The following FUNDC2 variants were observed in gnomAD, a reference collection of about 807,000 sequenced individuals.
FUNDC2 encodes the protein FUN14 domain-containing protein 2.
FUNDC2 carries 4 observed loss-of-function variants against 15.6 expected under a neutral mutation model. The ratio of observed to expected loss-of-function variants is 0.26; its 90% CI spans 0.13 to 0.59. The LOEUF is 0.59. Ranked by LOEUF, FUNDC2 falls within the 20% of genes least tolerant of loss-of-function variation. FUNDC2 has a pLI of 0.90. For missense variants in FUNDC2, 98 were observed against 149.7 expected, an observed-to-expected ratio of 0.65 and a Z score of 1.80; for synonymous variants, 44 against 56.9, an observed-to-expected ratio of 0.77 and a Z score of 1.02.
At chrX:155,046,413 A>T (rs1461442497) in intron 2 of FUNDC2, 96 bp from the exon 3 acceptor site, 13 of 765,696 alleles carry the variant, frequency 1.7e-5, no homozygotes, top group African/African-American at 4.1e-5. Context: ...GAGCTAGGTC[A>T]TCTTAAGCTA....
rs2073906062 is a variant in FUNDC2 at position 155,057,034 on chromosome X, CCTCATCCTGCTAG to C, written c.*2363_*2375del. ...GGTTGAGGTCAGTATTGCAGGTTGG[CCTCATCCTGCTAG>C]TATGAGAACGGCTGTGAGTTCTGCC... On this transcript the variant is annotated 3_prime_UTR_variant, in exon 5 of 5. Coordinates refer to ENST00000369498, the MANE Select transcript of FUNDC2 (RefSeq NM_023934.4). The C allele has an allele frequency of 3.0e-5, 3 of 100,587 alleles. 1 individual carries two copies. Among genetic ancestry groups the C allele is most frequent in the African/African-American group, 1.1e-4 (3 of 26,389 alleles). The allele number at this position is 100,587 out of a possible 1,213,427, so 8.3% of individuals were successfully genotyped here.
rs1187957576 is a variant in FUNDC2, at chrX:155,026,895, G to C, written c.-44G>C. The C allele has an allele frequency of 2.6e-6, 3 of 1,162,262 alleles. No homozygotes were observed. The African/African-American group carries it at 5.4e-5, about 21-fold the overall frequency. On this transcript the variant is annotated 5_prime_UTR_variant, in exon 1 of 5. Transcript: ENST00000369498. Reference sequence around the variant, plus strand: ...TAGCCGCTTGCGGAGACTGCAAGCAGCCGCGGCGCGCCCGGCCCTCCCTCT... The same window carrying C: ...TAGCCGCTTGCGGAGACTGCAAGCACCCGCGGCGCGCCCGGCCCTCCCTCT...
At chrX:155,034,922 G>A (rs2073826654) in intron 2 of FUNDC2, among the ~76,000 whole-genome samples, 1 of 111,341 alleles carries the variant, frequency 9.0e-6, no homozygotes, top group African/African-American at 3.3e-5. Flanking sequence ...CCCTTGTTAA[G>A]CTGTAAGAGT....
intron 2 of FUNDC2, among the ~76,000 whole-genome samples, chrX:155,046,183 C>T (rs2073861759): frequency 1.8e-5 from 2 of 110,142 alleles, no homozygotes; most frequent in African/African-American, 6.6e-5. Context: ...CATTGGCATT[C>T]ACTTCTCTTC....
intron 1 of FUNDC2, among the ~76,000 whole-genome samples, chrX:155,031,177 G>A (rs1197056555): frequency 7.2e-5 from 8 of 110,905 alleles, no homozygotes; most frequent in Admixed American, 3.8e-4. Flanking sequence ...TAACTTTTGT[G>A]TACCTCTTTG....
At chrX:155,047,316 T>G in intron 3 of FUNDC2, 1 of 342,534 alleles carries the variant, frequency 2.9e-6, no homozygotes, top group South Asian at 2.6e-5. Context: ...AGCCATAACT[T>G]GCTGAATCAT....
intron 1 of FUNDC2, among the ~76,000 whole-genome samples, chrX:155,032,764 A>T (rs1557288866): frequency 1.8e-5 from 2 of 112,181 alleles, no homozygotes; most frequent in Non-Finnish European, 3.8e-5. Context: ...GGATTACTGA[A>T]TAGCATTGAG....
rs191427935 is a variant in FUNDC2, at chrX:155,060,010, C to T, written c.*5338C>T. ...TACCAGTGCCATGCTTCCTGTACAG[C>T]CCATGGAACTGTGAGCCAACTAAAC... is the stretch of plus-strand genomic sequence containing the variant. On this transcript the variant is annotated 3_prime_UTR_variant, in exon 5 of 5. Coordinates refer to ENST00000369498, the MANE Select transcript of FUNDC2 (RefSeq NM_023934.4). The T allele has an allele frequency of 6.2e-4, 70 of 112,236 alleles. No individual in the cohort carries two copies. The highest frequency in any genetic ancestry group is 2.2e-3 in the African/African-American group (67 of 30,885). 9.2% of individuals were successfully genotyped at this position (112,236 alleles called of 1,213,427 possible). A position where few individuals can be genotyped will look rare whatever the true frequency, so the allele number is the denominator to read the frequency against.
At position 155,046,511 on chromosome X, in the gene FUNDC2, G is replaced by T. The variant is rs1557290057; in HGVS notation, c.287G>T (p.Cys96Phe). ...QLFIGGVTGW[C>F]TGFIFQKVGK... is the part of the protein sequence containing the mutation. ...CTGATGTTGGTTTGTTTTTGTAGGTGCACAGGTTTCATATTCCAGAAGGTT... is the reference window on the plus strand; with the variant it reads ...CTGATGTTGGTTTGTTTTTGTAGGTTCACAGGTTTCATATTCCAGAAGGTT... Residue 96 changes from cysteine to phenylalanine, a missense_variant and splice_region_variant, in exon 3 of 5, where the codon TGC (cysteine) becomes TTC (phenylalanine). Cys to Phe is a radical substitution (Grantham distance 205, BLOSUM62 -2). Transcript: ENST00000369498. 1.7e-6 allele frequency: 2 copies of T among 1,209,408 alleles called. No homozygotes were observed. The highest frequency in any genetic ancestry group is 2.2e-5 in the Admixed American group (1 of 46,053).
chrX:155,042,870 ATCT>A (rs1392864089), intron 2 of FUNDC2, among the ~76,000 whole-genome samples: 2 of 110,564 alleles, frequency 1.8e-5, no homozygotes, highest in Admixed American at 9.6e-5. Context: ...AAGTTTATTA[ATCT>A]TCTACAGTGT....
intron 4 of FUNDC2, chrX:155,053,994 G>A (rs782430785): frequency 2.7e-6 from 2 of 750,956 alleles, no homozygotes; most frequent in East Asian, 1.5e-4. Flanking sequence ...TTCCAGGAGG[G>A]TAGAGGGGAG....
In FUNDC2 at chrX:155,059,651, G is replaced by A. The variant is rs2073920274; in HGVS notation, c.*4979G>A. The A allele has an allele frequency of 1.8e-5, 2 of 111,730 alleles. No individual in the cohort carries two copies. The highest frequency in any genetic ancestry group is 9.5e-5 in the Admixed American group (1 of 10,580). 9.2% of individuals were successfully genotyped at this position (111,730 alleles called of 1,213,427 possible). A position where few individuals can be genotyped will look rare whatever the true frequency, so the allele number is the denominator to read the frequency against. ...AGAGTTAAATTAATGTCTTCAAATG[G>A]ATTTGTTGACTTAAACTGACACAAT... On this transcript the variant is annotated 3_prime_UTR_variant, in exon 5 of 5. Coordinates refer to ENST00000369498, the MANE Select transcript of FUNDC2 (RefSeq NM_023934.4).
intron 3 of FUNDC2, chrX:155,050,535 A>G (rs896302214): frequency 2.1e-4 from 24 of 112,155 alleles, no homozygotes; most frequent in African/African-American, 7.5e-4. Flanking sequence ...TTTAGATACA[A>G]ATGTTGATAC....
At chrX:155,033,579 G>A in intron 2 of FUNDC2, 26 bp downstream of exon 2, 3 of 1,187,207 alleles carry the variant, frequency 2.5e-6, no homozygotes. Flanking sequence ...GATGTCCACT[G>A]TCTTTTGTGC....
rs1557288907 is a variant in FUNDC2 at position 155,033,405 on chromosome X, A to C, written c.136A>C (p.Asn46His). Residue 46 changes from asparagine (N) to histidine (H), a missense_variant and splice_region_variant, in exon 2 of 5, where the codon AAC becomes CAC. Asn to His is a moderately conservative substitution (Grantham distance 68). Coordinates refer to ENST00000369498, the MANE Select transcript of FUNDC2 (RefSeq NM_023934.4). Reference sequence around the variant, plus strand: ...ATTTAACGTATTACTTCTTGTAGGAAACTTTGAGGGAAATTTTGAGTCACT... The same window carrying C: ...ATTTAACGTATTACTTCTTGTAGGACACTTTGAGGGAAATTTTGAGTCACT... ...LTEMAASSQGNFEGNFESLDL... is the reference protein window; with the variant it reads ...LTEMAASSQGHFEGNFESLDL... 8.3e-7 allele frequency: 1 copy of C among 1,202,844 alleles called. No homozygotes were observed. The highest frequency in any genetic ancestry group is 2.2e-5 in the Admixed American group (1 of 45,933).
intron 2 of FUNDC2, among the ~76,000 whole-genome samples, chrX:155,040,572 C>T (rs1392992631): frequency 8.9e-6 from 1 of 112,301 alleles, no homozygotes; most frequent in Non-Finnish European, 1.9e-5. Context: ...ACAGTTTGTT[C>T]ATCCAGACAT....
At chrX:155,032,408 C>G (rs1277332856) in intron 1 of FUNDC2, among the ~76,000 whole-genome samples, 3 of 105,776 alleles carry the variant, frequency 2.8e-5, no homozygotes, top group African/African-American at 1.0e-4. Flanking sequence ...TCCCGAGTAG[C>G]TAGGATTACA....
At chrX:155,044,709 T>G (rs923071197) in intron 2 of FUNDC2, among the ~76,000 whole-genome samples, 1 of 112,035 alleles carries the variant, frequency 8.9e-6, no homozygotes, top group African/African-American at 3.3e-5. Context: ...AGACAAGAGA[T>G]AATTGTTGAT....
chrX:155,036,128 A>C (rs1433314860), intron 2 of FUNDC2, among the ~76,000 whole-genome samples: 1 of 111,970 alleles, frequency 8.9e-6, no homozygotes, highest in African/African-American at 3.3e-5. Flanking sequence ...TTACATCTCC[A>C]CCAGCAATGT....
Sources: gnomAD v4.1 joint callset for allele counts (sites outside exome capture counted in the v4.1 genomes callset) on GRCh38, gnomAD v4.1.1 for gene constraint, MANE v1.5 for transcripts, NCBI Gene and HGNC (gene_info 2026-07-23, HGNC 2026-07-21) for gene names.